The following OTOG variants were observed in gnomAD, a reference collection of about 807,000 sequenced individuals.
The protein encoded by OTOG is otogelin.
In OTOG, 296 loss-of-function variants were observed where a neutral mutation model predicts 313.8. The observed-to-expected ratio is 0.94, with a 90% confidence interval of 0.86 to 1.04. OTOG has a LOEUF of 1.04. Among genes scored for constraint, OTOG ranks in the 50% least tolerant of loss-of-function variants. OTOG has a pLI of 0.00. For synonymous variants in OTOG, 1,533 were observed against 1,554.9 expected, an observed-to-expected ratio of 0.99 and a Z score of 0.33; for missense variants, 3,948 against 3,840.1, an observed-to-expected ratio of 1.03 and a Z score of -0.74.
intron 24 of OTOG, among the ~76,000 whole-genome samples, chr11:17,589,810 C>T (rs565330438): frequency 9.8e-5 from 15 of 152,304 alleles, no homozygotes; most frequent in African/African-American, 3.6e-4. Flanking sequence ...CCAGTAACTT[C>T]ATATTGCCAT....
chr11:17,634,097 G>T lies in OTOG; in HGVS notation c.7296G>T (p.Arg2432Ser). The change falls in exon 44 of 56, where the codon AGG becomes AGT. Residue 2432 changes from arginine (R) to serine (S), a missense_variant. By Grantham distance (110) the Arg-to-Ser change is moderately radical (BLOSUM62 -1). Coordinates refer to ENST00000399397, the MANE Select transcript of OTOG (RefSeq NM_001292063.2). The stretch of plus-strand genomic sequence containing the variant: ...GCACTGACAGCATGGGGGTGCCGAG[G>T]GCCCTGGGGGAGACCTGGAACAGCT... ...CACTDSMGVP[R>S]ALGETWNSSL... 6.5e-7 allele frequency: 1 copy of T among 1,547,514 alleles called. No homozygotes were observed. Among genetic ancestry groups the T allele is most frequent in the Non-Finnish European group, 8.7e-7 (1 of 1,146,932 alleles).
intron 3 of OTOG, among the ~76,000 whole-genome samples, chr11:17,549,679 A>C (rs1851892261): frequency 2.6e-5 from 4 of 152,126 alleles, no homozygotes; most frequent in Non-Finnish European, 5.9e-5. Flanking sequence ...CCTTCTCCAA[A>C]CACTTCATTT....
At chr11:17,635,787 G>C in intron 47 of OTOG, 76 bp downstream of exon 47, 4 of 1,228,436 alleles carry the variant, frequency 3.3e-6, no homozygotes, top group Non-Finnish European at 4.7e-6. Context: ...GGACCAATGG[G>C]GGTTGACAGG....
At chr11:17,560,617 T>TA in intron 12 of OTOG, 92 bp from the exon 13 acceptor site, 1 of 882,898 alleles carries the variant, frequency 1.1e-6, no homozygotes. Context: ...AGAAGTTAGA[T>TA]AAGGGGATCT....
Position 17,555,813 on chromosome 11 carries a change from A to G in OTOG, c.575A>G (p.Tyr192Cys). The G allele has an allele frequency of 6.4e-7, 1 of 1,550,706 alleles. No individual in the cohort carries two copies. The highest frequency in any genetic ancestry group is 1.7e-4 in the Middle Eastern group (1 of 5,934). Residue 192 changes from tyrosine to cysteine, a missense_variant, in exon 7 of 56, where the codon TAC becomes TGC. Physicochemically the swap from Tyr to Cys is radical, Grantham distance 194 (BLOSUM62 -2). Coordinates refer to ENST00000399397, the MANE Select transcript of OTOG (RefSeq NM_001292063.2). ...GACCCGCAGTGTGGCTCTTCACCCT[A>G]CACCTGCTCCAGGGCTGTCAGCCTC... ...HNDPQCGSSPYTCSRAVSLFF... is the reference protein window; with the variant it reads ...HNDPQCGSSPCTCSRAVSLFF...
At chr11:17,568,931 T>C (rs1436320125) in intron 15 of OTOG, among the ~76,000 whole-genome samples, 2 of 152,238 alleles carry the variant, frequency 1.3e-5, no homozygotes, top group Non-Finnish European at 2.9e-5. Context: ...TTTTTATTAG[T>C]GTTATCGCAT....
rs75900844 is a variant in OTOG, at chr11:17,551,590, G to C, written c.217-410G>C. 5.1e-3 allele frequency among the ~76,000 whole-genome samples: 780 copies of C among 152,214 alleles called. 23 individuals are homozygous for C. In the East Asian group the frequency reaches 0.073, roughly 14 times the overall value. On this transcript the variant is annotated intron_variant, in intron 3 of 55. Coordinates refer to ENST00000399397, the MANE Select transcript of OTOG (RefSeq NM_001292063.2). ...TTCCCCTGACCTGGGGTGAGGGGCT[G>C]CCTTTGTTCCTTAGCTCTGCCTCAT...
chr11:17,620,216 A>G (rs1472858970), intron 39 of OTOG, among the ~76,000 whole-genome samples: 2 of 152,126 alleles, frequency 1.3e-5, no homozygotes, highest in African/African-American at 2.4e-5. Flanking sequence ...CCAAAAGGCA[A>G]CCCCATACCC....
intron 39 of OTOG, among the ~76,000 whole-genome samples, chr11:17,622,174 C>A (rs987501079): frequency 6.6e-6 from 1 of 152,152 alleles, no homozygotes; most frequent in African/African-American, 2.4e-5. Flanking sequence ...GCTCCCTCTA[C>A]ATAATAGTTC....
intron 15 of OTOG, among the ~76,000 whole-genome samples, chr11:17,567,047 A>G (rs1005282937): frequency 1.3e-5 from 2 of 152,224 alleles, no homozygotes; most frequent in African/African-American, 4.8e-5. Flanking sequence ...AGGATTGGGT[A>G]CAACCAAATG....
chr11:17,559,251 T>A (rs982370973), intron 11 of OTOG, 90 bp downstream of exon 11: 10 of 1,070,502 alleles, frequency 9.3e-6, no homozygotes, highest in Non-Finnish European at 1.3e-5. Flanking sequence ...CTGCTCAGAA[T>A]CACAGTTATC....
chr11:17,610,351 C>T lies in OTOG; in HGVS notation c.5051C>T (p.Pro1684Leu), dbSNP rs553479177. The T allele has an allele frequency of 2.1e-5, 32 of 1,550,716 alleles. No individual in the cohort carries two copies. The Admixed American group carries it at 5.1e-4, about 25-fold the overall frequency. ...ATAAGCAGGACAGGGGTCCCCCAGC[C>T]CACCCAGGCCCAGAGTGCTTCAAGT... ...KVISRTGVPQPTQAQSASSPS... is the reference protein window; with the variant it reads ...KVISRTGVPQLTQAQSASSPS... The change falls in exon 36 of 56, where the codon CCC becomes CTC. Residue 1684 changes from proline (P) to leucine (L), a missense_variant. By Grantham distance (98) the Pro-to-Leu change is moderately conservative. Coordinates refer to ENST00000399397, the MANE Select transcript of OTOG (RefSeq NM_001292063.2).
rs1420701321 is a variant in OTOG, at chr11:17,631,879, T to G, written c.6890T>G (p.Leu2297Arg). Reference protein sequence around the residue: ...SCATTDCSPCLRMVSNRTFSA... With the variant: ...SCATTDCSPCRRMVSNRTFSA... ...GCCACAACTGACTGCTCGCCCTGCC[T>G]TCGCATGGTGTCCAACCGCACCTTC... Residue 2297 changes from leucine to arginine, a missense_variant, in exon 41 of 56, where the codon CTT (leucine) becomes CGT (arginine). Coordinates refer to ENST00000399397, the MANE Select transcript of OTOG (RefSeq NM_001292063.2). 1.3e-6 allele frequency: 2 copies of G among 1,550,454 alleles called. No individual in the cohort carries two copies. Among genetic ancestry groups the G allele is most frequent in the South Asian group, 2.4e-5 (2 of 84,064 alleles).
intron 39 of OTOG, among the ~76,000 whole-genome samples, chr11:17,618,989 G>A (rs150729229): frequency 2.8e-4 from 42 of 152,104 alleles, no homozygotes; most frequent in African/African-American, 8.9e-4. Context: ...ATTTTTGGCC[G>A]GCATGTAGGC....
intron 49 of OTOG, among the ~76,000 whole-genome samples, chr11:17,640,255 A>G (rs538085419): frequency 1.3e-5 from 2 of 152,298 alleles, no homozygotes; most frequent in East Asian, 1.9e-4. Context: ...GGTTAAGGTC[A>G]TGAAGCTAGT....
intron 15 of OTOG, among the ~76,000 whole-genome samples, chr11:17,564,834 T>C (rs757985): frequency 0.29 from 43,824 of 152,094 alleles, 9,155 homozygotes; most frequent in African/African-American, 0.6. Flanking sequence ...TTTTTGAGAA[T>C]CCACAGCCAG....
chr11:17,641,831 C>T lies in OTOG; in HGVS notation c.8191-16C>T. On this transcript the variant is annotated splice_polypyrimidine_tract_variant and intron_variant, in intron 51 of 55. Transcript: ENST00000399397. ...GGTGGGCATCTGGCTGAGGCCCACC[C>T]CGCCCTGGCCTGTAGAACCAGGAGT... 3 of 1,540,202 alleles carry T rather than the reference C, an allele frequency of 1.9e-6. No individual in the cohort carries two copies. The highest frequency in any genetic ancestry group is 2.6e-6 in the Non-Finnish European group (3 of 1,140,944).
Position 17,574,869 on chromosome 11 carries a change from C to G in OTOG, c.2443C>G (p.Pro815Ala), listed in dbSNP as rs1316105476. Residue 815 changes from proline to alanine, a missense_variant, in exon 20 of 56, where the codon CCG becomes GCG. Transcript: ENST00000399397. Reference protein sequence around the residue: ...DECVEGCACPPDTYLDTQADL... With the variant: ...DECVEGCACPADTYLDTQADL... ...GTGTGTGGAGGGCTGTGCCTGCCCA[C>G]CGGACACCTATCTGGACACCCAGGC... 7 of 1,542,070 alleles carry G rather than the reference C, an allele frequency of 4.5e-6. No homozygotes were observed. The Admixed American group carries it at 6.0e-5, about 13-fold the overall frequency.
rs1395557172 is a variant in OTOG at position 17,612,289 on chromosome 11, G to A, written c.6251G>A (p.Arg2084Gln). The change falls in exon 37 of 56, where the codon CGG (arginine) becomes CAG (glutamine). Residue 2084 changes from arginine (R) to glutamine (Q), a missense_variant. Transcript: ENST00000399397. ...TGTGGGATCCTGGGCCTCGCCGTGC[G>A]GGTGGGTGGGGACCGCTGCTGCCCA... ...PRCGILGLAV[R>Q]VGGDRCCPLW... 63 of 1,541,566 alleles carry A rather than the reference G, an allele frequency of 4.1e-5. No individual in the cohort carries two copies. Among genetic ancestry groups the A allele is most frequent in the Non-Finnish European group, 5.4e-5 (62 of 1,146,678 alleles).
Sources: allele counts gnomAD v4.1 joint callset (sites outside exome capture counted in the v4.1 genomes callset), GRCh38; gene constraint gnomAD v4.1.1; transcripts MANE v1.5; gene names NCBI Gene and HGNC (gene_info 2026-07-23, HGNC 2026-07-21).